The following JAK1 variants were observed in gnomAD, a reference collection of about 807,000 sequenced individuals.
JAK1 encodes the protein Janus kinase 1.
In JAK1, 16 loss-of-function variants were observed where a neutral mutation model predicts 136.6. The ratio of observed to expected loss-of-function variants is 0.12; its 90% confidence interval spans 0.08 to 0.18. The LOEUF (loss-of-function observed/expected upper bound fraction) is 0.18, where lower values mean the gene tolerates loss of function less well. JAK1 is among the 10% of genes least tolerant of loss of function. JAK1 has a pLI of 1.00. For missense variants in JAK1, 859 were observed against 1,450.1 expected, an observed-to-expected ratio of 0.59 and a Z score of 6.62; for synonymous variants, 492 against 519.5, an observed-to-expected ratio of 0.95 and a Z score of 0.72.
At chr1:64,849,859 C>T (rs1266624271) in intron 12 of JAK1, among the ~76,000 whole-genome samples, 3 of 152,140 alleles carry the variant, frequency 2.0e-5, no homozygotes, top group African/African-American at 4.8e-5. Flanking sequence ...TCTCACACCA[C>T]GAGAGGAATA....
intron 2 of JAK1, among the ~76,000 whole-genome samples, chr1:65,021,843 G>A (rs1341381981): frequency 1.3e-5 from 2 of 152,092 alleles, no homozygotes. Flanking sequence ...AAGAGAATTT[G>A]CAATATTTGC....
chr1:64,880,817 T>G (rs1465212811), intron 3 of JAK1, among the ~76,000 whole-genome samples: 3 of 151,800 alleles, frequency 2.0e-5, no homozygotes, highest in East Asian at 3.9e-4. Flanking sequence ...CGTGGTGGTG[T>G]GCACCTGTAA....
chr1:65,059,765 G>T (rs1200460227), intron 1 of JAK1, among the ~76,000 whole-genome samples: 2 of 152,080 alleles, frequency 1.3e-5, no homozygotes, highest in Non-Finnish European at 2.9e-5. Flanking sequence ...CAATATGAGT[G>T]GAACTTGACA....
intron 2 of JAK1, among the ~76,000 whole-genome samples, chr1:64,989,000 G>GTATATATATA (rs1343195557): frequency 8.7e-5 from 8 of 91,856 alleles, no homozygotes; most frequent in Admixed American, 5.6e-4. Context: ...GTGTGTGTGT[G>GTATATATATA]TGTATATATA....
chr1:65,051,632 T>G (rs1465157477), intron 1 of JAK1, among the ~76,000 whole-genome samples: 2 of 152,150 alleles, frequency 1.3e-5, no homozygotes, highest in African/African-American at 2.4e-5. Flanking sequence ...CATTTTCAAA[T>G]TGAAAAAAAC....
intron 2 of JAK1, among the ~76,000 whole-genome samples, chr1:64,986,342 G>C (rs1256989314): frequency 6.6e-6 from 1 of 152,022 alleles, no homozygotes; most frequent in African/African-American, 2.4e-5. Flanking sequence ...CCTGACTTCA[G>C]GTGACTCACC....
At chr1:64,897,899 A>T (rs1202376591) in intron 1 of JAK1, among the ~76,000 whole-genome samples, 1 of 152,282 alleles carries the variant, frequency 6.6e-6, no homozygotes. Flanking sequence ...CCTTCTTTTT[A>T]AAGATTCTTA....
intron 2 of JAK1, 130 bp downstream of exon 2, chr1:64,886,129 G>A: frequency 1.7e-6 from 1 of 583,238 alleles, no homozygotes; most frequent in Non-Finnish European, 3.0e-6. Flanking sequence ...CATTGGGAAT[G>A]AATAAATACA....
chr1:65,062,833 A>G (rs1417331836), intron 1 of JAK1, among the ~76,000 whole-genome samples: 4 of 147,852 alleles, frequency 2.7e-5, no homozygotes, highest in Non-Finnish European at 4.4e-5. Flanking sequence ...CAGATACTTG[A>G]TTGATTGATT....
chr1:64,980,725 C>G (rs1477286358), intron 2 of JAK1, among the ~76,000 whole-genome samples: 3 of 151,814 alleles, frequency 2.0e-5, no homozygotes, highest in Admixed American at 2.0e-4. Flanking sequence ...CCACCCTCCT[C>G]CCCCTACCCC....
chr1:65,018,586 T>C (rs1646910911), intron 2 of JAK1, among the ~76,000 whole-genome samples: 1 of 151,862 alleles, frequency 6.6e-6, no homozygotes, highest in Non-Finnish European at 1.5e-5. Flanking sequence ...TAAAAGGATA[T>C]AATGAATGAC....
chr1:64,891,743 C>A (rs1252349303), intron 1 of JAK1, among the ~76,000 whole-genome samples: 2 of 152,186 alleles, frequency 1.3e-5, no homozygotes, highest in Non-Finnish European at 2.9e-5. Context: ...TGGATTCCAG[C>A]CAAAAGGACG....
chr1:65,053,506 A>T (rs994000048), intron 1 of JAK1, among the ~76,000 whole-genome samples: 6 of 152,194 alleles, frequency 3.9e-5, no homozygotes, highest in Non-Finnish European at 7.3e-5. Flanking sequence ...TAAAAACGTA[A>T]GAGGTTTGTC....
intron 1 of JAK1, among the ~76,000 whole-genome samples, chr1:64,964,493 T>G (rs558701150): frequency 3.9e-5 from 6 of 152,232 alleles, no homozygotes; most frequent in Admixed American, 3.3e-4. Context: ...ACAACTGAAA[T>G]GTAGTTATAT....
chr1:64,856,596 C>G (rs760471459), intron 10 of JAK1, among the ~76,000 whole-genome samples: 1 of 152,158 alleles, frequency 6.6e-6, no homozygotes, highest in African/African-American at 2.4e-5. Flanking sequence ...GGAGGCTGGG[C>G]TGTCTCATGC....
chr1:64,980,545 C>A (rs1014617258), intron 2 of JAK1, among the ~76,000 whole-genome samples: 2 of 150,522 alleles, frequency 1.3e-5, no homozygotes, highest in African/African-American at 4.9e-5. Flanking sequence ...GATCCTTGGT[C>A]TCAATTTTCT....
chr1:64,858,111 C>T (rs942125869), intron 9 of JAK1, among the ~76,000 whole-genome samples: 7 of 152,216 alleles, frequency 4.6e-5, no homozygotes, highest in African/African-American at 1.7e-4. Context: ...GCATCTGCCA[C>T]GCCTCCCCTC....
intron 20 of JAK1, among the ~76,000 whole-genome samples, chr1:64,838,912 G>A (rs1237361720): frequency 6.6e-6 from 1 of 151,906 alleles, no homozygotes; most frequent in Non-Finnish European, 1.5e-5. Context: ...TTGGGAGGCC[G>A]AGGCGGGCGG....
chr1:64,876,796 A>G (rs1644677349), intron 4 of JAK1, among the ~76,000 whole-genome samples: 1 of 152,222 alleles, frequency 6.6e-6, no homozygotes, highest in Non-Finnish European at 1.5e-5. Context: ...ACGTGGAGGA[A>G]CAAAGCAGGA....
Sources: allele counts gnomAD v4.1 joint callset (sites outside exome capture counted in the v4.1 genomes callset), GRCh38; gene constraint gnomAD v4.1.1; transcripts MANE v1.5; gene names NCBI Gene and HGNC (gene_info 2026-07-23, HGNC 2026-07-21).